Variants in CREBRF observed in about 807,000 individuals in gnomAD.
The protein encoded by CREBRF is CREB3 regulatory factor.
In CREBRF, 5 loss-of-function variants were observed where a neutral mutation model predicts 66.1. The observed-to-expected ratio is 0.08, with a 90% confidence interval of 0.04 to 0.16. CREBRF has a LOEUF of 0.16. Among genes scored for constraint, CREBRF ranks in the 10% least tolerant of loss-of-function variants. CREBRF has a pLI of 1.00. For missense variants in CREBRF, 531 were observed against 744.9 expected, an observed-to-expected ratio of 0.71 and a Z score of 3.34; for synonymous variants, 229 against 264.4, an observed-to-expected ratio of 0.87 and a Z score of 1.30.
At chr5:173,084,672 C>T (rs558506419) in intron 2 of CREBRF, among the ~76,000 whole-genome samples, 16 of 152,218 alleles carry the variant, frequency 1.1e-4, no homozygotes, top group Admixed American at 2.6e-4. Context: ...GACAGAGTCT[C>T]ACTCAGTTGC....
In CREBRF at chr5:173,134,207, A is replaced by G. The variant is rs897449324; in HGVS notation, c.*462A>G. ...CTCACTTGTATATGGCACACCCAGC[A>G]CTTGTGCCTGTGGGCCATATTAGAT... On this transcript the variant is annotated 3_prime_UTR_variant, in exon 9 of 9. Coordinates refer to ENST00000296953, the MANE Select transcript of CREBRF (RefSeq NM_153607.3). 1 of 150,928 alleles carries G rather than the reference A, an allele frequency of 6.6e-6. No individual in the cohort carries two copies. The highest frequency in any genetic ancestry group is 2.4e-5 in the African/African-American group (1 of 40,944). The allele number at this position is 150,928 out of a possible 1,614,324, so 9.3% of individuals were successfully genotyped here.
At position 173,090,159 on chromosome 5, in the gene CREBRF, AATG is replaced by A. The variant is rs554790368; in HGVS notation, c.136-151_136-149del. Among the ~76,000 whole-genome samples, 431 of 152,290 alleles carry A rather than the reference AATG, an allele frequency of 2.8e-3. 8 individuals carry two copies. The highest frequency in any genetic ancestry group is 0.027 in the Admixed American group (413 of 15,286). ...CATTCTACTTTTTCTTGCCTAAGGA[AATG>A]ATGACATTATATGAAATGATAAAGC... On this transcript the variant is annotated intron_variant, in intron 3 of 8. Transcript: ENST00000296953. The surrounding 1 kb of genome is among the most constrained non-coding windows in gnomAD (Gnocchi z 4.5).
At chr5:173,112,814 A>G (rs950518051) in intron 7 of CREBRF, among the ~76,000 whole-genome samples, 4 of 152,178 alleles carry the variant, frequency 2.6e-5, no homozygotes, top group Non-Finnish European at 5.9e-5. Flanking sequence ...AAATTGAATA[A>G]TGATATTTTA....
At chr5:173,083,384 G>GA (rs1758028238) in intron 2 of CREBRF, among the ~76,000 whole-genome samples, 1 of 152,108 alleles carries the variant, frequency 6.6e-6, no homozygotes, top group African/African-American at 2.4e-5. Context: ...AGAAGATAGA[G>GA]AAAAAACAAG....
At chr5:173,056,793 C>A (rs1043985977) in intron 1 of CREBRF, among the ~76,000 whole-genome samples, 1 of 151,542 alleles carries the variant, frequency 6.6e-6, no homozygotes, top group African/African-American at 2.4e-5. Flanking sequence ...GCCGGGCGTC[C>A]GTCCTGCCGG....
chr5:173,073,980 A>AAAATAAATAAATAAATAAAT (rs56812993), intron 1 of CREBRF, among the ~76,000 whole-genome samples: 22 of 150,058 alleles, frequency 1.5e-4, no homozygotes, highest in South Asian at 4.2e-4. Context: ...ATAAAAAATA[A>AAAATAAATAAATAAATAAAT]AAATAAATAA....
chr5:173,133,580 C>A, intron 8 of CREBRF, 50 bp from the exon 9 acceptor site: 2 of 1,086,516 alleles, frequency 1.8e-6, no homozygotes, highest in Non-Finnish European at 2.8e-6. Context: ...CCCTTCCCTT[C>A]ATGGCCTTCC....
At chr5:173,083,143 G>A (rs1412092980) in intron 2 of CREBRF, among the ~76,000 whole-genome samples, 2 of 151,680 alleles carry the variant, frequency 1.3e-5, no homozygotes, top group Non-Finnish European at 2.9e-5. Context: ...CAGGAGAATC[G>A]CTTGAACACT....
At chr5:173,107,483 C>T in intron 4 of CREBRF, among the ~76,000 whole-genome samples, 1 of 152,164 alleles carries the variant, frequency 6.6e-6, no homozygotes, top group Non-Finnish European at 1.5e-5. Context: ...TAGGAAAATA[C>T]CCCCTTCTTA....
chr5:173,062,770 C>CG (rs1033580340), intron 1 of CREBRF, among the ~76,000 whole-genome samples: 1 of 119,240 alleles, frequency 8.4e-6, no homozygotes, highest in Non-Finnish European at 1.7e-5. Context: ...TTTTTTGAGA[C>CG]GGAGTCTTGC....
intron 2 of CREBRF, among the ~76,000 whole-genome samples, chr5:173,083,640 C>G (rs1171078507): frequency 2.6e-5 from 4 of 152,158 alleles, no homozygotes; most frequent in Non-Finnish European, 5.9e-5. Flanking sequence ...ACATGGGACT[C>G]AGCAGCACAG....
At chr5:173,109,100 G>T (rs905537953) in intron 5 of CREBRF, 3 of 308,352 alleles carry the variant, frequency 9.7e-6, no homozygotes, top group African/African-American at 6.5e-5. Context: ...TGACTAGGAG[G>T]CTGCTGGTTT....
At chr5:173,063,663 C>G (rs559110285) in intron 1 of CREBRF, among the ~76,000 whole-genome samples, 2 of 145,302 alleles carry the variant, frequency 1.4e-5, no homozygotes, top group Admixed American at 6.9e-5. Context: ...GCCACCACAC[C>G]TGGCCTGCTG....
At chr5:173,077,218 T>G (rs1757792592) in intron 1 of CREBRF, among the ~76,000 whole-genome samples, 1 of 152,112 alleles carries the variant, frequency 6.6e-6, no homozygotes, top group Non-Finnish European at 1.5e-5. Flanking sequence ...GTGCTAGAAT[T>G]ACAGGATGGG....
intron 7 of CREBRF, among the ~76,000 whole-genome samples, chr5:173,114,667 G>A (rs1296414381): frequency 2.6e-5 from 4 of 151,934 alleles, no homozygotes; most frequent in African/African-American, 7.3e-5. Context: ...TAGCTTCAGG[G>A]GCCCACTATA....
At chr5:173,124,963 G>C (rs1444689098) in intron 8 of CREBRF, among the ~76,000 whole-genome samples, 1 of 143,938 alleles carries the variant, frequency 6.9e-6, no homozygotes, top group African/African-American at 2.6e-5. Context: ...CTGTCACCCA[G>C]GCAGTAGTGC....
intron 4 of CREBRF, among the ~76,000 whole-genome samples, chr5:173,105,286 A>C (rs1174141899): frequency 6.6e-6 from 1 of 151,212 alleles, no homozygotes; most frequent in East Asian, 1.9e-4. Flanking sequence ...CTGTGTATAA[A>C]ATTTTTTCCC....
rs70984937 is a variant in CREBRF at position 173,082,908 on chromosome 5, C to CA, written c.9+2162dup. Among the ~76,000 whole-genome samples, 262 of 29,014 alleles carry CA rather than the reference C, an allele frequency of 9.0e-3. 68 individuals carry two copies. The highest frequency in any genetic ancestry group is 0.041 in the East Asian group (16 of 386). 19.0% of individuals were successfully genotyped at this position (29,014 alleles called of 152,430 possible). On this transcript the variant is annotated intron_variant, in intron 2 of 8. Coordinates refer to ENST00000296953, the MANE Select transcript of CREBRF (RefSeq NM_153607.3). The stretch of plus-strand genomic sequence containing the variant: ...TGAGCGACGGAGCGAGACTCTGTCT[C>CA]AAAAAAAAAAAAAAAAAAAAAAAAA...
At chr5:173,113,410 G>A (rs1712857825) in intron 7 of CREBRF, among the ~76,000 whole-genome samples, 1 of 152,076 alleles carries the variant, frequency 6.6e-6, no homozygotes, top group African/African-American at 2.4e-5. Flanking sequence ...CCAGGTTCAA[G>A]CAGTTCTCTT....
Sources: allele counts gnomAD v4.1 joint callset (sites outside exome capture counted in the v4.1 genomes callset), GRCh38; gene constraint gnomAD v4.1.1; non-coding constraint Gnocchi (gnomAD v3.1); transcripts MANE v1.5; gene names NCBI Gene and HGNC (gene_info 2026-07-23, HGNC 2026-07-21).